The following AFF4 variants were observed in gnomAD, a reference collection of about 807,000 sequenced individuals.
AFF4 encodes AF4/FMR2 family member 4.
In AFF4, 13 loss-of-function variants were observed where a neutral mutation model predicts 124.8. The observed-to-expected ratio is 0.10, with a 90% CI of 0.07 to 0.17. The LOEUF (loss-of-function observed/expected upper bound fraction) is 0.17, where lower values mean the gene tolerates loss of function less well. Among genes scored for constraint, AFF4 ranks in the 10% least tolerant of loss-of-function variants. AFF4 has a pLI of 1.00. For missense variants in AFF4, 1,092 were observed against 1,403.8 expected (o/e 0.78, Z 3.55); for synonymous variants, 477 against 496.1 (o/e 0.96, Z 0.51).
At chr5:132,883,998 A>T (rs1760052055) in intron 19 of AFF4, among the ~76,000 whole-genome samples, 1 of 152,216 alleles carries the variant, frequency 6.6e-6, no homozygotes, top group Non-Finnish European at 1.5e-5. Context: ...TGAACTCCAC[A>T]ATTTCTGACA....
intron 1 of AFF4, among the ~76,000 whole-genome samples, chr5:132,951,576 G>A (rs999081810): frequency 6.6e-6 from 1 of 151,972 alleles, no homozygotes; most frequent in Non-Finnish European, 1.5e-5. Context: ...TCCCCAGGCT[G>A]GAGTGCAGTG....
chr5:132,918,649 T>C (rs1760971212), intron 5 of AFF4, among the ~76,000 whole-genome samples: 1 of 152,080 alleles, frequency 6.6e-6, no homozygotes, highest in Non-Finnish European at 1.5e-5. Flanking sequence ...TGACACTCTT[T>C]CAAAAAACAA....
At chr5:132,918,654 A>C (rs1328684057) in intron 5 of AFF4, among the ~76,000 whole-genome samples, 2 of 152,186 alleles carry the variant, frequency 1.3e-5, no homozygotes, top group African/African-American at 2.4e-5. Flanking sequence ...CTCTTTCAAA[A>C]AACAAAAAGA....
intron 3 of AFF4, among the ~76,000 whole-genome samples, chr5:132,932,538 C>T (rs1481365308): frequency 1.3e-5 from 2 of 152,058 alleles, no homozygotes; most frequent in Admixed American, 1.3e-4. Flanking sequence ...TTAATCTTAC[C>T]TATATATAAA....
intron 2 of AFF4, among the ~76,000 whole-genome samples, chr5:132,936,368 C>T (rs1761432133): frequency 6.7e-6 from 1 of 148,556 alleles, no homozygotes; most frequent in African/African-American, 2.5e-5. Flanking sequence ...TTCCTCATAA[C>T]TCAATGTTAT....
chr5:132,939,648 T>C (rs1204639850), intron 1 of AFF4, among the ~76,000 whole-genome samples: 2 of 152,216 alleles, frequency 1.3e-5, no homozygotes, highest in African/African-American at 2.4e-5. Context: ...CTCGCTCTTG[T>C]CCCCCAGGTT....
At chr5:132,920,382 G>A (rs1282634318) in intron 5 of AFF4, among the ~76,000 whole-genome samples, 1 of 140,044 alleles carries the variant, frequency 7.1e-6, no homozygotes, top group Non-Finnish European at 1.5e-5. Context: ...TTTGAGACAA[G>A]GTCTCACTCT....
intron 19 of AFF4, 61 bp downstream of exon 19, chr5:132,885,015 G>T: frequency 8.0e-7 from 1 of 1,251,652 alleles, no homozygotes; most frequent in Non-Finnish European, 1.1e-6. Flanking sequence ...TTGGAAATTG[G>T]ACCATACTCA....
intron 1 of AFF4, 74 bp from the exon 2 acceptor site, chr5:132,937,267 G>A: frequency 6.9e-7 from 1 of 1,446,248 alleles, no homozygotes; most frequent in Non-Finnish European, 9.2e-7. Context: ...GATTTTGTCA[G>A]CTTAACACTT....
chr5:132,960,545 T>C (rs1472965743), intron 1 of AFF4, among the ~76,000 whole-genome samples: 1 of 152,196 alleles, frequency 6.6e-6, no homozygotes. Context: ...ACTACGGCAT[T>C]TACCTTACCT....
chr5:132,919,202 A>C (rs976610092), intron 5 of AFF4, among the ~76,000 whole-genome samples: 1 of 152,132 alleles, frequency 6.6e-6, no homozygotes, highest in Admixed American at 6.6e-5. Context: ...TCTTATGAAA[A>C]TGCAAAGAGC....
intron 5 of AFF4, among the ~76,000 whole-genome samples, chr5:132,914,609 A>AAAAG (rs1436169937): frequency 1.3e-5 from 2 of 152,110 alleles, no homozygotes; most frequent in Non-Finnish European, 2.9e-5. Context: ...TCAAAAAAAA[A>AAAAG]AAAGAAGAAC....
intron 4 of AFF4, among the ~76,000 whole-genome samples, chr5:132,928,374 A>G (rs1474737347): frequency 6.6e-6 from 1 of 152,184 alleles, no homozygotes; most frequent in Non-Finnish European, 1.5e-5. Flanking sequence ...AACCAAAAAA[A>G]TATTTCCACA....
In AFF4 at chr5:132,896,922, C is replaced by A. The variant is rs1037906144; in HGVS notation, c.1708G>T (p.Ala570Ser). The A allele has an allele frequency of 2.5e-5, 40 of 1,613,982 alleles. No homozygotes were observed. The highest frequency in any genetic ancestry group is 4.0e-5 in the African/African-American group (3 of 74,898). ...RTVGKKQPKK[A>S]EKAAAEEPRG... is the part of the protein sequence containing the mutation. ...GGCTCTTCAGCAGCTGCCTTCTCAG[C>A]CTTTTTGGGTTGTTTTTTGCCTACA... Residue 570 changes from alanine (A) to serine (S), a missense_variant, in exon 11 of 21, where the codon GCT becomes TCT. This residue lies in a region of AFF4 where 174 missense variants were observed against 205.9 expected (regional missense o/e 0.84). Coordinates refer to ENST00000265343, the MANE Select transcript of AFF4 (RefSeq NM_014423.4).
intron 2 of AFF4, among the ~76,000 whole-genome samples, chr5:132,935,687 C>T (rs11949997): frequency 0.016 from 2,414 of 151,452 alleles, 66 homozygotes; most frequent in African/African-American, 0.056. Context: ...AGGAGAATCG[C>T]TTGAACCCGG....
At chr5:132,893,991 G>A (rs965537807) in intron 11 of AFF4, among the ~76,000 whole-genome samples, 1 of 152,102 alleles carries the variant, frequency 6.6e-6, no homozygotes, top group African/African-American at 2.4e-5. Context: ...CATCCATGTT[G>A]CAGCATGGAT....
At chr5:132,949,479 C>T (rs777827879) in intron 1 of AFF4, among the ~76,000 whole-genome samples, 4 of 152,038 alleles carry the variant, frequency 2.6e-5, no homozygotes, top group Non-Finnish European at 5.9e-5. Context: ...GAGTTCCAGA[C>T]CAGCCTGGGC....
chr5:132,897,026 G>C lies in AFF4; in HGVS notation c.1604C>G (p.Thr535Ser). 6.2e-7 allele frequency: 1 copy of C among 1,614,176 alleles called. No homozygotes were observed. Reference sequence around the variant, plus strand: ...CCCACTTTCTGATCCCTTTTGGATGGTTTTGGAGTCTCGTCCCGGAGTAGC... The same window carrying C: ...CCCACTTTCTGATCCCTTTTGGATGCTTTTGGAGTCTCGTCCCGGAGTAGC... ...SSATPGRDSK[T>S]IQKGSESGRG... The change falls in exon 11 of 21, where the codon ACC becomes AGC. Residue 535 changes from threonine (T) to serine (S), a missense_variant. Coordinates refer to ENST00000265343, the MANE Select transcript of AFF4 (RefSeq NM_014423.4).
At chr5:132,932,017 CAAA>C (rs1438811561) in intron 4 of AFF4, among the ~76,000 whole-genome samples, 158 bp downstream of exon 4, 5 of 151,840 alleles carry the variant, frequency 3.3e-5, no homozygotes, top group African/African-American at 1.2e-4. Flanking sequence ...AAATGGTAAA[CAAA>C]GAAGAGAGTA....
Sources: allele counts gnomAD v4.1 joint callset (sites outside exome capture counted in the v4.1 genomes callset), GRCh38; gene constraint gnomAD v4.1.1; regional missense constraint gnomAD v4.1.1; transcripts MANE v1.5; gene names NCBI Gene and HGNC (gene_info 2026-07-23, HGNC 2026-07-21).